ADGRG6: variants seen among roughly 807,000 people sequenced by gnomAD.
ADGRG6 encodes the protein adhesion G protein-coupled receptor G6, also known as G-protein coupled receptor 126.
Under a neutral mutation model 142.4 loss-of-function variants are expected in ADGRG6, and 84 were observed. That is an observed-to-expected ratio of 0.59 (90% CI 0.49 to 0.71). ADGRG6 has a LOEUF of 0.71. Among genes scored for constraint, ADGRG6 ranks in the 30% least tolerant of loss-of-function variants. The probability of loss-of-function intolerance (pLI) is 0.00; values close to 1 mark genes in which losing one functional copy is unlikely to be tolerated. For synonymous variants in ADGRG6, 521 were observed against 520.5 expected, an observed-to-expected ratio of 1.00 and a Z score of -0.01; for missense variants, 1,367 against 1,466.6, an observed-to-expected ratio of 0.93 and a Z score of 1.11.
Position 142,439,438 on chromosome 6 carries a change from T to A in ADGRG6, c.3574+1074T>A, listed in dbSNP as rs1026768113. The stretch of plus-strand genomic sequence containing the variant: ...TGCAAATAGGGAGTAAGGTGTGTGA[T>A]GTGTCTGTAATTATTCATATTGCAA... On this transcript the variant is annotated intron_variant, in intron 24 of 24. Transcript: ENST00000367609. 1.1e-4 allele frequency among the ~76,000 whole-genome samples: 16 copies of A among 152,344 alleles called. No individual in the cohort carries two copies. In the East Asian group the frequency reaches 1.9e-3, roughly 18 times the overall value.
intron 2 of ADGRG6, among the ~76,000 whole-genome samples, chr6:142,366,662 C>T (rs1295460410): frequency 2.0e-5 from 3 of 150,904 alleles, no homozygotes; most frequent in African/African-American, 7.3e-5. Flanking sequence ...GGCTGAGGCA[C>T]TAGAATTGCT....
intron 2 of ADGRG6, 118 bp from the exon 3 acceptor site, chr6:142,367,449 TTG>T: frequency 1.6e-6 from 1 of 641,982 alleles, no homozygotes; most frequent in Non-Finnish European, 2.7e-6. Flanking sequence ...TTTTTTATGA[TTG>T]TATGTTGGTA....
rs1489499999 is a variant in ADGRG6 at position 142,438,575 on chromosome 6, T to G, written c.3574+211T>G. ...AACCCAAACTCTAGCTATATAACCA[T>G]AATAATTCACTCTGTATATTATTGT... On this transcript the variant is annotated intron_variant, in intron 24 of 24. Coordinates refer to ENST00000367609, the MANE Select transcript of ADGRG6 (RefSeq NM_198569.3). Among the ~76,000 whole-genome samples the G allele has an allele frequency of 3.9e-5, 6 of 152,220 alleles. No homozygotes were observed. The East Asian group carries it at 1.2e-3, about 29-fold the overall frequency.
intron 7 of ADGRG6, 129 bp downstream of exon 7, chr6:142,390,472 G>C: frequency 2.1e-6 from 1 of 487,770 alleles, no homozygotes; most frequent in East Asian, 3.4e-5. Context: ...TATATGAGTA[G>C]ATATGTAAGT....
At chr6:142,348,396 C>T (rs1260334081) in intron 2 of ADGRG6, among the ~76,000 whole-genome samples, 1 of 151,886 alleles carries the variant, frequency 6.6e-6, no homozygotes, top group Non-Finnish European at 1.5e-5. Context: ...GTCATTTATC[C>T]AGAGGGAATA....
chr6:142,330,963 A>G (rs1779027688), intron 2 of ADGRG6, among the ~76,000 whole-genome samples: 1 of 152,070 alleles, frequency 6.6e-6, no homozygotes, highest in African/African-American at 2.4e-5. Flanking sequence ...AGCTTCATTT[A>G]TATAACTGGA....
chr6:142,429,472 A>G (rs552507209), intron 22 of ADGRG6, among the ~76,000 whole-genome samples: 17 of 152,324 alleles, frequency 1.1e-4, no homozygotes, highest in Middle Eastern at 3.4e-3. Context: ...ATTTTGTGCC[A>G]CAGAGAAATA....
At chr6:142,318,590 T>C (rs1394514754) in intron 2 of ADGRG6, among the ~76,000 whole-genome samples, 1 of 150,412 alleles carries the variant, frequency 6.6e-6, no homozygotes, top group East Asian at 1.9e-4. Context: ...AGACATGATG[T>C]CAAGAGATAA....
At chr6:142,338,926 A>G (rs1280782219) in intron 2 of ADGRG6, among the ~76,000 whole-genome samples, 1 of 152,168 alleles carries the variant, frequency 6.6e-6, no homozygotes, top group Non-Finnish European at 1.5e-5. Context: ...ATTATTCCAA[A>G]AAATTATCAA....
intron 11 of ADGRG6, among the ~76,000 whole-genome samples, chr6:142,401,253 G>A (rs1775508761): frequency 6.6e-6 from 1 of 152,190 alleles, no homozygotes; most frequent in South Asian, 2.1e-4. Flanking sequence ...GGACTGTAGA[G>A]ATGTATGGAC....
chr6:142,353,782 A>T (rs955436264), intron 2 of ADGRG6, among the ~76,000 whole-genome samples: 3 of 152,188 alleles, frequency 2.0e-5, no homozygotes. Flanking sequence ...AAAACATCAA[A>T]CTTTGAATTG....
At chr6:142,423,473 T>A (rs1306400764) in intron 22 of ADGRG6, among the ~76,000 whole-genome samples, 1 of 151,772 alleles carries the variant, frequency 6.6e-6, no homozygotes, top group Non-Finnish European at 1.5e-5. Flanking sequence ...AAAGATCAGA[T>A]AGTTGTAGAT....
Position 142,338,211 on chromosome 6 carries a change from G to A in ADGRG6, c.103+28567G>A, listed in dbSNP as rs183713301. On this transcript the variant is annotated intron_variant, in intron 2 of 24. Coordinates refer to ENST00000367609, the MANE Select transcript of ADGRG6 (RefSeq NM_198569.3). ...AACTTTTTGTATTTTTAGTAGAGAT[G>A]GGGTTTCACCGTGGTCTCGATCTCC... Among the ~76,000 whole-genome samples, 433 of 150,476 alleles carry A rather than the reference G, an allele frequency of 2.9e-3. 4 individuals are homozygous for A. The highest frequency in any genetic ancestry group is 0.01 in the African/African-American group (413 of 41,242).
intron 1 of ADGRG6, chr6:142,302,692 C>G (rs1477984540): frequency 3.5e-6 from 1 of 285,644 alleles, no homozygotes; most frequent in Admixed American, 5.1e-5. Flanking sequence ...AGAGGCCTGG[C>G]CCTGCCAAGA....
intron 10 of ADGRG6, among the ~76,000 whole-genome samples, chr6:142,399,725 G>A (rs1178764876): frequency 6.6e-6 from 1 of 152,176 alleles, no homozygotes; most frequent in Middle Eastern, 3.2e-3. Flanking sequence ...CAGTATACAT[G>A]GGAAAGTTAT....
intron 2 of ADGRG6, among the ~76,000 whole-genome samples, chr6:142,358,617 G>C (rs1780565181): frequency 6.6e-6 from 1 of 152,154 alleles, no homozygotes; most frequent in African/African-American, 2.4e-5. Flanking sequence ...GCTTTAAAAA[G>C]TATCTGTGGC....
At chr6:142,438,781 A>G (rs966172129) in intron 24 of ADGRG6, among the ~76,000 whole-genome samples, 8 of 152,200 alleles carry the variant, frequency 5.3e-5, no homozygotes, top group African/African-American at 1.9e-4. Context: ...CATTTTATTT[A>G]AGACTTAATT....
chr6:142,401,388 A>G (rs781276060), intron 11 of ADGRG6, among the ~76,000 whole-genome samples: 11 of 152,096 alleles, frequency 7.2e-5, no homozygotes, highest in African/African-American at 1.7e-4. Context: ...AGTTATGTGA[A>G]CTCAAAATCA....
rs750378155 is a variant in ADGRG6, at chr6:142,400,636, T to C, written c.1679+40T>C. ...GACTCTTGCCAGCAAAGCTACATGTTATCAGCCTTCCCAGGGTTATACGTG... is the reference window on the plus strand; with the variant it reads ...GACTCTTGCCAGCAAAGCTACATGTCATCAGCCTTCCCAGGGTTATACGTG... On this transcript the variant is annotated intron_variant, in intron 11 of 24. Transcript: ENST00000367609. The C allele has an allele frequency of 5.0e-6, 5 of 1,009,366 alleles. No homozygotes were observed. The African/African-American group carries it at 7.9e-5, about 16-fold the overall frequency. 62.5% of individuals were successfully genotyped at this position (1,009,366 alleles called of 1,614,324 possible).
Sources: gnomAD v4.1 joint callset for allele counts (sites outside exome capture counted in the v4.1 genomes callset) on GRCh38, gnomAD v4.1.1 for gene constraint, MANE v1.5 for transcripts, NCBI Gene and HGNC (gene_info 2026-07-23, HGNC 2026-07-21) for gene names.